The following KCNK5 variants were observed in gnomAD, a reference collection of about 807,000 sequenced individuals.
KCNK5 encodes the protein potassium channel subfamily K member 5.
KCNK5 carries 18 observed loss-of-function variants against 32.9 expected under a neutral mutation model. The ratio of observed to expected loss-of-function variants is 0.55; its 90% CI spans 0.38 to 0.81. The LOEUF (loss-of-function observed/expected upper bound fraction) is 0.81. Ranked by LOEUF, KCNK5 falls within the 30% of genes least tolerant of loss-of-function variation. The pLI is 0.00. For synonymous variants in KCNK5, 276 were observed against 275.3 expected (o/e 1.00, Z -0.03); for missense variants, 507 against 651.0 (o/e 0.78, Z 2.41).
intron 1 of KCNK5, among the ~76,000 whole-genome samples, chr6:39,222,712 C>T (rs1305154656): frequency 6.6e-6 from 1 of 152,176 alleles, no homozygotes; most frequent in Non-Finnish European, 1.5e-5. Flanking sequence ...AGGAGCACTG[C>T]ATCACTCAGT....
chr6:39,214,891 T>C (rs1432693547), intron 1 of KCNK5, among the ~76,000 whole-genome samples: 1 of 152,224 alleles, frequency 6.6e-6, no homozygotes, highest in East Asian at 1.9e-4. Context: ...TGCATGGTGA[T>C]ACCTTCCCAC....
intron 1 of KCNK5, among the ~76,000 whole-genome samples, chr6:39,219,385 G>A (rs564938864): frequency 1.3e-5 from 2 of 152,102 alleles, no homozygotes; most frequent in Non-Finnish European, 2.9e-5. Context: ...TGCGAGGGGG[G>A]TATAATTAGT....
chr6:39,212,308 C>G (rs1771356832), intron 1 of KCNK5, among the ~76,000 whole-genome samples: 1 of 152,140 alleles, frequency 6.6e-6, no homozygotes, highest in East Asian at 1.9e-4. Flanking sequence ...AATAAGTAAG[C>G]AGGCGTAATG....
rs1401337820 is a variant in KCNK5, at chr6:39,191,046, G to T, written c.1344C>A (p.Ser448Arg). Residue 448 changes from serine (S) to arginine (R), a missense_variant, in exon 5 of 5, where the codon AGC becomes AGA. This residue lies in a region of KCNK5 where 252 missense variants were observed against 250.8 expected (regional missense o/e 1.00). Coordinates refer to ENST00000359534, the MANE Select transcript of KCNK5 (RefSeq NM_003740.4). The surrounding 1 kb of genome is among the most constrained non-coding windows in gnomAD (Gnocchi z 5.8). ...SLEDNLAGEE[S>R]PQQGAEAKAP... ...CCTTGGCTTCAGCCCCCTGCTGGGGGCTCTCCTCCCCTGCCAAGTTGTCCT... is the reference window on the plus strand; with the variant it reads ...CCTTGGCTTCAGCCCCCTGCTGGGGTCTCTCCTCCCCTGCCAAGTTGTCCT... The T allele has an allele frequency of 1.2e-6, 2 of 1,610,932 alleles. No homozygotes were observed. Among genetic ancestry groups the T allele is most frequent in the Non-Finnish European group, 1.7e-6 (2 of 1,178,542 alleles).
Position 39,191,165 on chromosome 6 carries a change from C to T in KCNK5, c.1225G>A (p.Asp409Asn), listed in dbSNP as rs1359998852. ...TCCTGGAAGATGAGTGGGTGGTAGT[C>T]CTGGGCGTCCCATGGCTCGCATTCC... The part of the protein sequence containing the change: ...SEECEPWDAQ[D>N]YHPLIFQDAS... The change falls in exon 5 of 5, where the codon GAC becomes AAC. Residue 409 changes from aspartate to asparagine, a missense_variant. Coordinates refer to ENST00000359534, the MANE Select transcript of KCNK5 (RefSeq NM_003740.4). This position sits in a 1 kb window ranked among gnomAD's most constrained non-coding sequence, Gnocchi z 5.8. 1.2e-6 allele frequency: 2 copies of T among 1,614,104 alleles called. No individual in the cohort carries two copies. The highest frequency in any genetic ancestry group is 1.7e-6 in the Non-Finnish European group (2 of 1,180,046).
At position 39,191,540 on chromosome 6, in the gene KCNK5, C is replaced by T. The variant is rs1770935579; in HGVS notation, c.850G>A (p.Ala284Thr). 2 of 1,614,028 alleles carry T rather than the reference C, an allele frequency of 1.2e-6. No individual in the cohort carries two copies. Among genetic ancestry groups the T allele is most frequent in the Non-Finnish European group, 1.7e-6 (2 of 1,180,030 alleles). Residue 284 changes from alanine to threonine, a missense_variant, in exon 5 of 5, where the codon GCC becomes ACC. Physicochemically the swap from Ala to Thr is moderately conservative, Grantham distance 58. Transcript: ENST00000359534. The surrounding 1 kb of genome is among the most constrained non-coding windows in gnomAD (Gnocchi z 5.8). ...CTGAAGATGTTGACGTCCTTGGAGG[C>T]TGTGCTCCCCTTCACCTGCAGGGCC... is the stretch of plus-strand genomic sequence containing the variant. ...RKALQVKGST[A>T]SKDVNIFSFL...
intron 1 of KCNK5, among the ~76,000 whole-genome samples, chr6:39,215,367 C>G (rs1454650737): frequency 6.6e-6 from 1 of 152,168 alleles, no homozygotes; most frequent in African/African-American, 2.4e-5. Flanking sequence ...GGGCACCCTT[C>G]CAAAGCTAAC....
chr6:39,229,032 T>G lies in KCNK5; in HGVS notation c.80A>C (p.Glu27Ala). 1 of 1,614,174 alleles carries G rather than the reference T, an allele frequency of 6.2e-7. No homozygotes were observed. Among genetic ancestry groups the G allele is most frequent in the Non-Finnish European group, 8.5e-7 (1 of 1,180,024 alleles). Reference protein sequence around the residue: ...AIGAAIFEVLEEPHWKEAKKN... With the variant: ...AIGAAIFEVLAEPHWKEAKKN... ...CTTGGCCTCCTTCCAGTGTGGCTCC[T>G]CCAGCACTTCGAAGATCGCCGCCCC... The change falls in exon 1 of 5, where the codon GAG (glutamate) becomes GCG (alanine). Residue 27 changes from glutamate (E) to alanine (A), a missense_variant. Glu to Ala is a moderately radical substitution (Grantham distance 107). Coordinates refer to ENST00000359534, the MANE Select transcript of KCNK5 (RefSeq NM_003740.4).
rs912203444 is a variant in KCNK5 at position 39,189,206 on chromosome 6, A to G, written c.*1684T>C. ...GGCACGTGCCCATCACTGTCTTCAC[A>G]TGTTGGGGAGGTGGGCTCTGGCCCC... On this transcript the variant is annotated 3_prime_UTR_variant, in exon 5 of 5. Transcript: ENST00000359534. The G allele has an allele frequency of 2.0e-5, 3 of 152,136 alleles. No homozygotes were observed. The highest frequency in any genetic ancestry group is 4.4e-5 in the Non-Finnish European group (3 of 68,034). The allele number at this position is 152,136 out of a possible 1,614,324, so 9.4% of individuals were successfully genotyped here. A position where few individuals can be genotyped will look rare whatever the true frequency, so the allele number is the denominator to read the frequency against.
intron 1 of KCNK5, among the ~76,000 whole-genome samples, chr6:39,216,847 G>C (rs1333341089): frequency 6.6e-6 from 1 of 151,918 alleles, no homozygotes; most frequent in East Asian, 1.9e-4. Flanking sequence ...TGCCGGGCGC[G>C]GTGGTGGCTC....
At chr6:39,224,086 C>CTTTT (rs10664461) in intron 1 of KCNK5, among the ~76,000 whole-genome samples, 15 of 142,490 alleles carry the variant, frequency 1.1e-4, no homozygotes, top group Middle Eastern at 3.3e-3. Flanking sequence ...CAGACTAAGG[C>CTTTT]TTTTTTTTTT....
rs1238159420 is a variant in KCNK5, at chr6:39,189,062, C to T, written c.*1828G>A. 1 of 152,240 alleles carries T rather than the reference C, an allele frequency of 6.6e-6. No homozygotes were observed. Among genetic ancestry groups the T allele is most frequent in the Non-Finnish European group, 1.5e-5 (1 of 68,052 alleles). The allele number at this position is 152,240 out of a possible 1,614,324, so 9.4% of individuals were successfully genotyped here. On this transcript the variant is annotated 3_prime_UTR_variant, in exon 5 of 5. Transcript: ENST00000359534. The stretch of plus-strand genomic sequence containing the variant: ...TATGTACATACAGTGTGCGCGATGC[C>T]AGGACAACCAGCAACAACATGGTTC...
At chr6:39,225,862 C>G (rs2561402) in intron 1 of KCNK5, among the ~76,000 whole-genome samples, 142,112 of 152,236 alleles carry the variant, frequency 0.93, 66,617 homozygotes, top group Middle Eastern at 0.99. Context: ...TGTGGCCATT[C>G]TATCTTCTCT....
chr6:39,227,603 C>T (rs1771697407), intron 1 of KCNK5, among the ~76,000 whole-genome samples: 1 of 152,164 alleles, frequency 6.6e-6, no homozygotes, highest in Non-Finnish European at 1.5e-5. Context: ...TTCTACAGGA[C>T]CCCTTGGAGG....
chr6:39,213,682 A>G (rs562132362), intron 1 of KCNK5, among the ~76,000 whole-genome samples: 1 of 152,178 alleles, frequency 6.6e-6, no homozygotes, highest in Non-Finnish European at 1.5e-5. Flanking sequence ...CTTAGAGTCT[A>G]GGGAAAATTT....
chr6:39,213,373 T>C (rs1317187740), intron 1 of KCNK5, among the ~76,000 whole-genome samples: 2 of 152,242 alleles, frequency 1.3e-5, no homozygotes, highest in Non-Finnish European at 2.9e-5. Context: ...TGTTTTTAAA[T>C]TGAGTTTCTA....
chr6:39,204,316 G>C (rs1009193922), intron 1 of KCNK5, among the ~76,000 whole-genome samples: 3 of 152,232 alleles, frequency 2.0e-5, no homozygotes, highest in Non-Finnish European at 4.4e-5. Flanking sequence ...GCTCAGCTCT[G>C]CCAGTACTGT....
chr6:39,209,951 G>A (rs886736183), intron 1 of KCNK5, among the ~76,000 whole-genome samples: 1 of 152,342 alleles, frequency 6.6e-6, no homozygotes, highest in Non-Finnish European at 1.5e-5. Context: ...GAGCAGGAAG[G>A]CTGGTGCATA....
At position 39,194,424 on chromosome 6, in the gene KCNK5, A is replaced by T; in HGVS notation, c.466-87T>A. On this transcript the variant is annotated intron_variant, in intron 3 of 4. Coordinates refer to ENST00000359534, the MANE Select transcript of KCNK5 (RefSeq NM_003740.4). This position sits in a 1 kb window ranked among gnomAD's most constrained non-coding sequence, Gnocchi z 4.7. ...CCCAGAGGGCCAGGGAGGCAGCTAG[A>T]GGAGAAGCTAGCTGGGTACCCAGCC... 1 of 1,476,554 alleles carries T rather than the reference A, an allele frequency of 6.8e-7. No individual in the cohort carries two copies. Among genetic ancestry groups the T allele is most frequent in the Admixed American group, 2.0e-5 (1 of 49,442 alleles). The allele number at this position is 1,476,554 out of a possible 1,614,324, so 91.5% of individuals were successfully genotyped here.
Sources: allele counts gnomAD v4.1 joint callset (sites outside exome capture counted in the v4.1 genomes callset), GRCh38; gene constraint gnomAD v4.1.1; regional missense constraint gnomAD v4.1.1; non-coding constraint Gnocchi (gnomAD v3.1); transcripts MANE v1.5; gene names NCBI Gene and HGNC (gene_info 2026-07-23, HGNC 2026-07-21).